Variants in ST6GAL1 observed in about 807,000 individuals in gnomAD.
The protein encoded by ST6GAL1 is beta-galactoside alpha-2,6-sialyltransferase 1.
ST6GAL1 carries 20 observed loss-of-function variants against 38.0 expected under a neutral mutation model. The observed-to-expected ratio is 0.53, with a 90% CI of 0.37 to 0.77. The LOEUF (loss-of-function observed/expected upper bound fraction) is 0.77, where lower values mean the gene tolerates loss of function less well. ST6GAL1 is among the 30% of genes least tolerant of loss of function. The probability of loss-of-function intolerance (pLI) is 0.00; values close to 1 mark genes in which losing one functional copy is unlikely to be tolerated. For missense variants in ST6GAL1, 432 were observed against 496.4 expected (o/e 0.87, Z 1.23); for synonymous variants, 196 against 188.2 (o/e 1.04, Z -0.34).
intron 5 of ST6GAL1, among the ~76,000 whole-genome samples, chr3:187,061,739 A>C (rs1718922543): frequency 6.6e-6 from 1 of 152,224 alleles, no homozygotes; most frequent in Non-Finnish European, 1.5e-5. Context: ...CTATGACCTA[A>C]ATGTAGACCA....
At chr3:186,946,243 G>A (rs1325493085) in intron 1 of ST6GAL1, among the ~76,000 whole-genome samples, 1 of 151,930 alleles carries the variant, frequency 6.6e-6, no homozygotes, top group Non-Finnish European at 1.5e-5. Flanking sequence ...AACCCAGGAA[G>A]CGGAGGTTGC....
chr3:186,960,282 A>T (rs1156793302), intron 1 of ST6GAL1, among the ~76,000 whole-genome samples: 1 of 152,134 alleles, frequency 6.6e-6, no homozygotes, highest in Non-Finnish European at 1.5e-5. Context: ...CTAAGGGCAG[A>T]GGAGAAAGGG....
At chr3:186,968,658 G>GTA (rs143766065) in intron 2 of ST6GAL1, among the ~76,000 whole-genome samples, 10,967 of 151,964 alleles carry the variant, frequency 0.072, 454 homozygotes, top group South Asian at 0.097. Flanking sequence ...TTCATTCAGC[G>GTA]TAATTATTTT....
At chr3:186,962,334 T>C (rs114444133) in intron 1 of ST6GAL1, among the ~76,000 whole-genome samples, 81 of 152,322 alleles carry the variant, frequency 5.3e-4, no homozygotes, top group Non-Finnish European at 9.7e-4. Context: ...TTACGAATTG[T>C]CATTCATGTA....
At chr3:186,938,544 T>G (rs1229764238) in intron 1 of ST6GAL1, among the ~76,000 whole-genome samples, 1 of 152,206 alleles carries the variant, frequency 6.6e-6, no homozygotes, top group African/African-American at 2.4e-5. Flanking sequence ...CTTTTGCTCC[T>G]GATATTTTTT....
At chr3:186,982,824 G>A (rs1464499931) in intron 2 of ST6GAL1, among the ~76,000 whole-genome samples, 2 of 151,630 alleles carry the variant, frequency 1.3e-5, no homozygotes, top group Non-Finnish European at 2.9e-5. Context: ...TGGGATTACA[G>A]TCGCCCGCCA....
At chr3:187,007,727 T>C (rs1484781306) in intron 2 of ST6GAL1, among the ~76,000 whole-genome samples, 1 of 152,224 alleles carries the variant, frequency 6.6e-6, no homozygotes, top group African/African-American at 2.4e-5. Flanking sequence ...AACACTGAAA[T>C]GACTTAGATC....
intron 1 of ST6GAL1, among the ~76,000 whole-genome samples, chr3:186,949,875 G>GAGCAT (rs1714518378): frequency 1.3e-5 from 2 of 152,226 alleles, no homozygotes; most frequent in African/African-American, 4.8e-5. Flanking sequence ...GTGAGTCCTA[G>GAGCAT]AGGTAGTGCC....
intron 1 of ST6GAL1, among the ~76,000 whole-genome samples, chr3:186,941,565 C>T (rs1579254941): frequency 6.6e-6 from 1 of 152,080 alleles, no homozygotes; most frequent in African/African-American, 2.4e-5. Context: ...TGAGTGGCTG[C>T]TGCAGACGGG....
intron 2 of ST6GAL1, among the ~76,000 whole-genome samples, chr3:187,015,122 G>A (rs1717074190): frequency 6.6e-6 from 1 of 152,134 alleles, no homozygotes; most frequent in Non-Finnish European, 1.5e-5. Context: ...AGGTATTTCT[G>A]TCACTTCCTA....
intron 1 of ST6GAL1, among the ~76,000 whole-genome samples, chr3:186,947,410 C>T (rs1214516673): frequency 2.0e-5 from 3 of 152,174 alleles, no homozygotes; most frequent in Non-Finnish European, 2.9e-5. Context: ...CCTGCACAGC[C>T]ATGCCCATGG....
chr3:187,052,419 G>T (rs1413822142), intron 5 of ST6GAL1, among the ~76,000 whole-genome samples: 1 of 152,066 alleles, frequency 6.6e-6, no homozygotes, highest in East Asian at 1.9e-4. Context: ...TTTACATTAG[G>T]TATTTCTCCT....
chr3:187,037,572 T>A (rs1717972508), intron 2 of ST6GAL1, among the ~76,000 whole-genome samples: 1 of 152,058 alleles, frequency 6.6e-6, no homozygotes, highest in Admixed American at 6.6e-5. Flanking sequence ...TATATTTATA[T>A]TTTTAGCTGT....
At chr3:186,993,553 GA>G (rs1716249941) in intron 2 of ST6GAL1, among the ~76,000 whole-genome samples, 1 of 141,340 alleles carries the variant, frequency 7.1e-6, no homozygotes, top group Non-Finnish European at 1.5e-5. Flanking sequence ...TAACTTGACA[GA>G]GTTTTATTTA....
At chr3:186,984,890 T>C (rs1416777752) in intron 2 of ST6GAL1, among the ~76,000 whole-genome samples, 1 of 146,612 alleles carries the variant, frequency 6.8e-6, no homozygotes, top group Non-Finnish European at 1.5e-5. Flanking sequence ...CGTCCTTTCT[T>C]TCTCTCTTTC....
At chr3:186,978,080 GC>G (rs1206809196) in intron 2 of ST6GAL1, among the ~76,000 whole-genome samples, 1 of 151,502 alleles carries the variant, frequency 6.6e-6, no homozygotes, top group Non-Finnish European at 1.5e-5. Flanking sequence ...GCGTGGTGGC[GC>G]ACACCTGTAA....
chr3:187,019,362 G>A (rs1289772533), intron 2 of ST6GAL1, among the ~76,000 whole-genome samples: 1 of 152,222 alleles, frequency 6.6e-6, no homozygotes, highest in Non-Finnish European at 1.5e-5. Context: ...GCTCTATAGG[G>A]TAATGCTAGC....
At chr3:187,026,842 G>A (rs1204792135) in intron 2 of ST6GAL1, among the ~76,000 whole-genome samples, 2 of 152,058 alleles carry the variant, frequency 1.3e-5, no homozygotes, top group Non-Finnish European at 2.9e-5. Flanking sequence ...TCAGGAGATC[G>A]AGACCATCCT....
Position 187,016,386 on chromosome 3 carries a change from G to A in ST6GAL1, c.-182-22356G>A, listed in dbSNP as rs138678155. Among the ~76,000 whole-genome samples the A allele has an allele frequency of 3.2e-3, 493 of 152,252 alleles. 6 individuals carry two copies. The highest frequency in any genetic ancestry group is 0.014 in the Middle Eastern group (4 of 294). ...ACACGCAGCACCTGGAGAAGAGTGC[G>A]GGAGTGCAGGAGAGTGTGTGTGCAT... On this transcript the variant is annotated intron_variant, in intron 2 of 7. Coordinates refer to ENST00000169298, the MANE Select transcript of ST6GAL1 (RefSeq NM_173216.2).
Sources: allele counts gnomAD v4.1 joint callset (sites outside exome capture counted in the v4.1 genomes callset), GRCh38; gene constraint gnomAD v4.1.1; transcripts MANE v1.5; gene names NCBI Gene and HGNC (gene_info 2026-07-23, HGNC 2026-07-21).